CYSLTR2: variants seen among roughly 807,000 people sequenced by gnomAD.
CYSLTR2 encodes the protein G-protein coupled receptor GPCR21.
For missense variants in CYSLTR2, 398 were observed against 411.9 expected (o/e 0.97, Z 0.29); for synonymous variants, 179 against 160.8 (o/e 1.11, Z -0.86).
intron 1 of CYSLTR2, among the ~76,000 whole-genome samples, chr13:48,670,836 G>A (rs2138850307): frequency 6.6e-6 from 1 of 152,298 alleles, no homozygotes; most frequent in East Asian, 1.9e-4. Flanking sequence ...TAGCTTGATG[G>A]GGATAGCATT....
intron 4 of CYSLTR2, among the ~76,000 whole-genome samples, chr13:48,704,390 A>G (rs997108026): frequency 6.6e-6 from 1 of 152,148 alleles, no homozygotes; most frequent in Non-Finnish European, 1.5e-5. Flanking sequence ...GCATGGTGGC[A>G]TGCACCTGCA....
intron 4 of CYSLTR2, among the ~76,000 whole-genome samples, chr13:48,705,649 A>C (rs575892540): frequency 1.3e-4 from 19 of 149,188 alleles, no homozygotes; most frequent in Non-Finnish European, 2.5e-4. Context: ...ATATCTTATG[A>C]TAGTCTATTA....
At chr13:48,701,352 T>C (rs879007914) in intron 4 of CYSLTR2, among the ~76,000 whole-genome samples, 5 of 152,144 alleles carry the variant, frequency 3.3e-5, no homozygotes, top group African/African-American at 1.2e-4. Context: ...ATCTCAACTT[T>C]GACAAACCTG....
intron 1 of CYSLTR2, among the ~76,000 whole-genome samples, chr13:48,659,320 C>T (rs1953072211): frequency 6.6e-6 from 1 of 152,178 alleles, no homozygotes; most frequent in African/African-American, 2.4e-5. Context: ...CTCCTGGGGT[C>T]CTCTCAATAA....
intron 1 of CYSLTR2, among the ~76,000 whole-genome samples, chr13:48,688,144 G>T (rs1270622429): frequency 6.6e-6 from 1 of 152,166 alleles, no homozygotes; most frequent in Non-Finnish European, 1.5e-5. Flanking sequence ...GTGCAATGGT[G>T]CAATCATGGC....
At chr13:48,703,692 G>A in intron 4 of CYSLTR2, among the ~76,000 whole-genome samples, 1 of 152,020 alleles carries the variant, frequency 6.6e-6, no homozygotes, top group African/African-American at 2.4e-5. Context: ...CTTTTGTTTT[G>A]TTCTGTATTA....
intron 1 of CYSLTR2, among the ~76,000 whole-genome samples, chr13:48,656,437 C>T (rs1365619750): frequency 6.6e-6 from 1 of 152,260 alleles, no homozygotes; most frequent in East Asian, 1.9e-4. Context: ...CACTCCAGTG[C>T]TCCTTTGGCA....
At chr13:48,692,529 TTTAAAA>T (rs1361379027) in intron 2 of CYSLTR2, among the ~76,000 whole-genome samples, 1 of 151,494 alleles carries the variant, frequency 6.6e-6, no homozygotes, top group Non-Finnish European at 1.5e-5. Context: ...TAACTGTAGC[TTTAAAA>T]TTAAATCTAT....
intron 4 of CYSLTR2, among the ~76,000 whole-genome samples, chr13:48,698,792 A>T (rs1196438903): frequency 6.6e-6 from 1 of 152,210 alleles, no homozygotes; most frequent in Non-Finnish European, 1.5e-5. Context: ...ACATGCAGAA[A>T]CACACATAGG....
At chr13:48,658,474 C>T (rs753909423) in intron 1 of CYSLTR2, among the ~76,000 whole-genome samples, 35 of 152,236 alleles carry the variant, frequency 2.3e-4, no homozygotes, top group African/African-American at 7.7e-4. Flanking sequence ...ATGTGCTTCA[C>T]GCTGTGCTAG....
At chr13:48,665,444 T>G (rs1353799201) in intron 1 of CYSLTR2, among the ~76,000 whole-genome samples, 2 of 152,106 alleles carry the variant, frequency 1.3e-5, no homozygotes, top group East Asian at 3.8e-4. Flanking sequence ...TGTATTGGGA[T>G]CTATCTCTTC....
chr13:48,697,604 C>T (rs1354348337), intron 4 of CYSLTR2, among the ~76,000 whole-genome samples: 1 of 152,214 alleles, frequency 6.6e-6, no homozygotes, highest in Non-Finnish European at 1.5e-5. Context: ...CAGAGCGCCT[C>T]TTCTCCTCCA....
intron 1 of CYSLTR2, among the ~76,000 whole-genome samples, chr13:48,657,490 G>T (rs938029870): frequency 6.6e-6 from 1 of 151,506 alleles, no homozygotes; most frequent in Admixed American, 6.6e-5. Context: ...AGGAGAGAAA[G>T]GAGGGAAGTA....
In CYSLTR2 at chr13:48,707,491, T is replaced by C; in HGVS notation, c.674T>C (p.Ile225Thr). 1 of 1,612,932 alleles carries C rather than the reference T, an allele frequency of 6.2e-7. No individual in the cohort carries two copies. The highest frequency in any genetic ancestry group is 8.5e-7 in the Non-Finnish European group (1 of 1,180,016). Residue 225 changes from isoleucine to threonine, a missense_variant, in exon 5 of 5, where the codon ATT (isoleucine) becomes ACT (threonine). By Grantham distance (89) the Ile-to-Thr change is moderately conservative. Coordinates refer to ENST00000682523, the MANE Select transcript of CYSLTR2 (RefSeq NM_001308476.3). ...CTCAGCATCTGTTATCTGCTGATCA[T>C]TCGGGTTCTGTTAAAAGTGGAGGTC... ...FTLSICYLLIIRVLLKVEVPE... is the reference protein window; with the variant it reads ...FTLSICYLLITRVLLKVEVPE...
intron 4 of CYSLTR2, among the ~76,000 whole-genome samples, chr13:48,697,250 A>G (rs1205511972): frequency 1.3e-5 from 2 of 152,146 alleles, no homozygotes; most frequent in African/African-American, 4.8e-5. Context: ...CTAACTGGGA[A>G]AAACCTCCCA....
In CYSLTR2 at chr13:48,673,078, T is replaced by A. The variant is rs188470798; in HGVS notation, c.-265-18134T>A. Among the ~76,000 whole-genome samples the A allele has an allele frequency of 3.3e-5, 5 of 152,350 alleles. No homozygotes were observed. The East Asian group carries it at 9.6e-4, about 29-fold the overall frequency. Reference sequence around the variant, plus strand: ...ATGTGGTGCTGAGAAGAATGTCTATTCTGTTGATTTGGGGTGGAGAGTTCT... The same window carrying A: ...ATGTGGTGCTGAGAAGAATGTCTATACTGTTGATTTGGGGTGGAGAGTTCT... On this transcript the variant is annotated intron_variant, in intron 1 of 4. Transcript: ENST00000682523.
intron 1 of CYSLTR2, among the ~76,000 whole-genome samples, chr13:48,677,313 G>T (rs1281617891): frequency 6.6e-6 from 1 of 152,158 alleles, no homozygotes; most frequent in Admixed American, 6.6e-5. Flanking sequence ...AAGGCATATT[G>T]CTGTAGATTA....
intron 2 of CYSLTR2, 142 bp from the exon 3 acceptor site, chr13:48,693,296 T>C (rs887939646): frequency 2.6e-5 from 4 of 152,042 alleles, no homozygotes; most frequent in African/African-American, 9.6e-5. Flanking sequence ...AGACTCTGAA[T>C]CATGCCAAAC....
intron 2 of CYSLTR2, among the ~76,000 whole-genome samples, chr13:48,692,677 A>G (rs945497067): frequency 4.0e-5 from 6 of 151,262 alleles, no homozygotes; most frequent in African/African-American, 9.7e-5. Flanking sequence ...TTAAACATTT[A>G]TATTAATTAT....
Sources: gnomAD v4.1 joint callset for allele counts (sites outside exome capture counted in the v4.1 genomes callset) on GRCh38, gnomAD v4.1.1 for gene constraint, MANE v1.5 for transcripts, NCBI Gene and HGNC (gene_info 2026-07-23, HGNC 2026-07-21) for gene names.